Variants in FMN2 observed in about 807,000 individuals in gnomAD.
The protein encoded by FMN2 is formin-2.
FMN2 carries 51 observed loss-of-function variants against 142.3 expected under a neutral mutation model. The observed-to-expected ratio is 0.36, with a 90% CI of 0.29 to 0.45. The LOEUF (loss-of-function observed/expected upper bound fraction) is 0.45. Ranked by LOEUF, FMN2 falls within the 20% of genes least tolerant of loss-of-function variation. FMN2 has a pLI of 1.00. For missense variants in FMN2, 1,936 were observed against 2,122.8 expected (o/e 0.91, Z 1.73); for synonymous variants, 882 against 869.8 (o/e 1.01, Z -0.25).
intron 8 of FMN2, among the ~76,000 whole-genome samples, chr1:240,322,010 GCATTTAATAC>G (rs1670988060): frequency 6.6e-6 from 1 of 152,078 alleles, no homozygotes; most frequent in Non-Finnish European, 1.5e-5. Context: ...AATAAACAGT[GCATTTAATAC>G]ACCTAGCTTA....
At chr1:240,307,725 CT>C (rs1448359141) in intron 8 of FMN2, among the ~76,000 whole-genome samples, 3 of 152,074 alleles carry the variant, frequency 2.0e-5, no homozygotes, top group Non-Finnish European at 4.4e-5. Flanking sequence ...TATTGGGGCT[CT>C]TTTTTGTTTC....
At chr1:240,229,659 T>A (rs184085051) in intron 6 of FMN2, among the ~76,000 whole-genome samples, 49 of 152,266 alleles carry the variant, frequency 3.2e-4, no homozygotes, top group African/African-American at 1.0e-3. Flanking sequence ...ACTTTTTTTT[T>A]ATTTTTATTT....
intron 15 of FMN2, among the ~76,000 whole-genome samples, chr1:240,414,379 C>T (rs951511119): frequency 1.3e-5 from 2 of 152,162 alleles, no homozygotes; most frequent in Non-Finnish European, 2.9e-5. Flanking sequence ...AATGACTTCA[C>T]CAGTATTGTG....
chr1:240,388,903 G>A lies in FMN2; in HGVS notation c.4859-3608G>A, dbSNP rs143058163. ...GGGGGGGGGTCAAGCATTGCTGGGC[G>A]ACAGTAGCACAGAAAGCCCGGTGAT... On this transcript the variant is annotated intron_variant, in intron 14 of 17. Transcript: ENST00000319653. Among the ~76,000 whole-genome samples the A allele has an allele frequency of 7.3e-5, 11 of 150,712 alleles. No individual in the cohort carries two copies. The East Asian group carries it at 2.1e-3, about 29-fold the overall frequency.
At chr1:240,202,937 A>G (rs980821247) in intron 4 of FMN2, among the ~76,000 whole-genome samples, 5 of 152,236 alleles carry the variant, frequency 3.3e-5, no homozygotes, top group African/African-American at 9.6e-5. Context: ...CTATTTATCA[A>G]CTAACCTTTT....
chr1:240,441,875 T>C (rs1235514898), intron 16 of FMN2, among the ~76,000 whole-genome samples: 1 of 152,176 alleles, frequency 6.6e-6, no homozygotes, highest in East Asian at 1.9e-4. Flanking sequence ...ACATGTTTTC[T>C]TGCATAACTT....
intron 2 of FMN2, among the ~76,000 whole-genome samples, chr1:240,161,009 A>C (rs12407034): frequency 6.6e-6 from 1 of 152,224 alleles, no homozygotes; most frequent in African/African-American, 2.4e-5. Flanking sequence ...CTAAGAAGAC[A>C]CTGAACAGAC....
intron 15 of FMN2, among the ~76,000 whole-genome samples, chr1:240,409,148 T>G (rs886107226): frequency 1.3e-5 from 2 of 152,188 alleles, no homozygotes; most frequent in African/African-American, 2.4e-5. Context: ...ATTTTTTTAC[T>G]TTTTATTTTT....
chr1:240,229,802 A>G lies in FMN2; in HGVS notation c.4065+18567A>G, dbSNP rs187254483. On this transcript the variant is annotated intron_variant, in intron 6 of 17. Coordinates refer to ENST00000319653, the MANE Select transcript of FMN2 (RefSeq NM_020066.5). Reference sequence around the variant, plus strand: ...GCTGGGATTACAGGCATGCACCACCATGCCCAGCTAATTTTTGTATTTTAG... The same window carrying G: ...GCTGGGATTACAGGCATGCACCACCGTGCCCAGCTAATTTTTGTATTTTAG... 1.3e-3 allele frequency among the ~76,000 whole-genome samples: 112 copies of G among 89,422 alleles called. 29 individuals are homozygous for G. The highest frequency in any genetic ancestry group is 7.1e-3 in the East Asian group (21 of 2,960). 58.7% of individuals were successfully genotyped at this position (89,422 alleles called of 152,430 possible).
intron 1 of FMN2, among the ~76,000 whole-genome samples, chr1:240,120,049 T>G (rs1662172658): frequency 6.6e-6 from 1 of 152,218 alleles, no homozygotes; most frequent in Non-Finnish European, 1.5e-5. Flanking sequence ...CAAAAAATCC[T>G]GGGAGACCAA....
At chr1:240,440,378 G>T (rs1675569060) in intron 16 of FMN2, among the ~76,000 whole-genome samples, 1 of 152,076 alleles carries the variant, frequency 6.6e-6, no homozygotes, top group Non-Finnish European at 1.5e-5. Flanking sequence ...AGATAGAATT[G>T]TTTCTAGATG....
chr1:240,381,735 T>A (rs988363010), intron 14 of FMN2, among the ~76,000 whole-genome samples: 10 of 152,112 alleles, frequency 6.6e-5, no homozygotes, highest in Non-Finnish European at 2.9e-5. Flanking sequence ...TGGCCAATCA[T>A]CTTAACAGCT....
intron 3 of FMN2, among the ~76,000 whole-genome samples, chr1:240,181,711 T>C: frequency 6.6e-6 from 1 of 152,214 alleles, no homozygotes; most frequent in African/African-American, 2.4e-5. Context: ...AAGGAAGTAA[T>C]GTGCTTCCCA....
At chr1:240,175,870 C>G (rs112356036) in intron 2 of FMN2, among the ~76,000 whole-genome samples, 38 of 152,206 alleles carry the variant, frequency 2.5e-4, no homozygotes, top group African/African-American at 8.9e-4. Context: ...AATGTCTATT[C>G]AAGTCCTTTG....
intron 6 of FMN2, among the ~76,000 whole-genome samples, chr1:240,252,604 G>C (rs992295330): frequency 6.6e-6 from 1 of 150,786 alleles, no homozygotes; most frequent in Non-Finnish European, 1.5e-5. Context: ...GGCCAGTAAG[G>C]TTTTTGCTGA....
At chr1:240,367,746 T>A (rs548451474) in intron 14 of FMN2, among the ~76,000 whole-genome samples, 11 of 121,886 alleles carry the variant, frequency 9.0e-5, no homozygotes, top group Admixed American at 3.4e-4. Flanking sequence ...CTAGCCTGGG[T>A]GACAGAGCGA....
intron 6 of FMN2, among the ~76,000 whole-genome samples, chr1:240,243,562 C>A (rs1174443253): frequency 6.6e-6 from 1 of 152,206 alleles, no homozygotes; most frequent in Non-Finnish European, 1.5e-5. Context: ...ATAAATATAA[C>A]TGCCGGTTAT....
chr1:240,121,735 TAAAAAAAAA>T (rs71168898), intron 1 of FMN2, among the ~76,000 whole-genome samples: 83 of 25,678 alleles, frequency 3.2e-3, no homozygotes, highest in African/African-American at 0.012. Context: ...AGGGAAATAG[TAAAAAAAAA>T]AAAAAAAAAA....
At chr1:240,334,901 A>G (rs951425087) in intron 13 of FMN2, among the ~76,000 whole-genome samples, 2 of 152,188 alleles carry the variant, frequency 1.3e-5, no homozygotes, top group African/African-American at 4.8e-5. Flanking sequence ...GCTGTATTAC[A>G]TACAGATGAG....
Sources: allele counts gnomAD v4.1 joint callset (sites outside exome capture counted in the v4.1 genomes callset), GRCh38; gene constraint gnomAD v4.1.1; transcripts MANE v1.5; gene names NCBI Gene and HGNC (gene_info 2026-07-23, HGNC 2026-07-21).